The following OR51B5 variants were observed in gnomAD, a reference collection of about 807,000 sequenced individuals.
OR51B5 encodes olfactory receptor 51B5.
For synonymous variants in OR51B5, 186 were observed against 144.8 expected (o/e 1.28, Z -2.04); for missense variants, 456 against 374.6 (o/e 1.22, Z -1.79).
intron 1 of OR51B5, chr11:5,423,161 G>A (rs747729349): frequency 2.7e-5 from 43 of 1,575,560 alleles, no homozygotes; most frequent in Non-Finnish European, 3.4e-5. Flanking sequence ...ATGAGGGAAT[G>A]CATTTCTTAA....
intron 1 of OR51B5, among the ~76,000 whole-genome samples, chr11:5,364,384 G>GACACATCA (rs1849334782): frequency 2.0e-5 from 3 of 152,112 alleles, no homozygotes; most frequent in Non-Finnish European, 4.4e-5. Context: ...AGGCTATGAT[G>GACACATCA]CAGTTTAGGA....
intron 1 of OR51B5, among the ~76,000 whole-genome samples, chr11:5,374,488 C>G (rs1849493138): frequency 6.6e-6 from 1 of 152,148 alleles, no homozygotes; most frequent in South Asian, 2.1e-4. Context: ...TGGAGAATGA[C>G]TTTGACGAGC....
chr11:5,489,396 T>C (rs444878), intron 1 of OR51B5: 1,562,117 of 1,614,048 alleles, frequency 0.97, 756,243 homozygotes, highest in South Asian at 0.99. Flanking sequence ...CAGTCTTTCA[T>C]CTTCCATCTC....
At chr11:5,441,582 G>C in intron 1 of OR51B5, 1 of 1,194,406 alleles carries the variant, frequency 8.4e-7, no homozygotes, top group East Asian at 2.4e-5. Context: ...CTTTCTTTCA[G>C]ATATCCTGTC....
chr11:5,402,961 T>A (rs1220449200), intron 1 of OR51B5: 3 of 471,378 alleles, frequency 6.4e-6, no homozygotes, highest in Non-Finnish European at 1.3e-5. Flanking sequence ...GCTGGCCATG[T>A]CTTTGGACCG....
chr11:5,410,729 C>T (rs151230989), intron 1 of OR51B5, among the ~76,000 whole-genome samples: 5 of 152,236 alleles, frequency 3.3e-5, no homozygotes, highest in Non-Finnish European at 1.5e-5. Context: ...AAAAGATCCT[C>T]CAGTGGAACA....
At chr11:5,443,598 T>TA (rs1246923221) in intron 1 of OR51B5, among the ~76,000 whole-genome samples, 3 of 152,010 alleles carry the variant, frequency 2.0e-5, no homozygotes, top group Non-Finnish European at 4.4e-5. Flanking sequence ...ATCCACAAGA[T>TA]AGGTTTACCC....
At chr11:5,488,465 G>C (rs1445059833) in intron 1 of OR51B5, among the ~76,000 whole-genome samples, 1 of 152,092 alleles carries the variant, frequency 6.6e-6, no homozygotes, top group Non-Finnish European at 1.5e-5. Context: ...TACTTAGCTT[G>C]GTGCTTTGGA....
chr11:5,397,797 A>C (rs985448294), intron 1 of OR51B5, among the ~76,000 whole-genome samples: 11 of 151,210 alleles, frequency 7.3e-5, no homozygotes, highest in Admixed American at 5.3e-4. Context: ...ACTTGGAACC[A>C]ACCCAAATGT....
chr11:5,489,162 A>G (rs1467455293), intron 1 of OR51B5: 1 of 1,613,862 alleles, frequency 6.2e-7, no homozygotes. Flanking sequence ...TTGTTGGGCT[A>G]TTCCGTAGTG....
At chr11:5,406,103 C>T (rs1850054515) in intron 1 of OR51B5, among the ~76,000 whole-genome samples, 1 of 152,156 alleles carries the variant, frequency 6.6e-6, no homozygotes, top group Non-Finnish European at 1.5e-5. Context: ...AATGGCTTAA[C>T]ATAAAATGAG....
At chr11:5,379,089 T>G (rs1211040534) in intron 1 of OR51B5, among the ~76,000 whole-genome samples, 2 of 151,322 alleles carry the variant, frequency 1.3e-5, no homozygotes, top group African/African-American at 4.9e-5. Context: ...TAGACTGGAT[T>G]AAGAAAATGT....
At chr11:5,377,810 G>A (rs1031486447) in intron 1 of OR51B5, among the ~76,000 whole-genome samples, 1 of 152,092 alleles carries the variant, frequency 6.6e-6, no homozygotes, top group African/African-American at 2.4e-5. Flanking sequence ...TGAAATAAAA[G>A]AAGATACAAA....
At chr11:5,463,893 AC>A in intron 1 of OR51B5, among the ~76,000 whole-genome samples, 1 of 152,216 alleles carries the variant, frequency 6.6e-6, no homozygotes, top group Non-Finnish European at 1.5e-5. Flanking sequence ...ACAAAGCCTC[AC>A]CATGATTTGA....
chr11:5,403,630 C>T (rs556330709), intron 1 of OR51B5: 13 of 400,730 alleles, frequency 3.2e-5, no homozygotes, highest in Non-Finnish European at 5.7e-5. Flanking sequence ...GCATGTTATG[C>T]GATTGATATC....
intron 1 of OR51B5, among the ~76,000 whole-genome samples, chr11:5,476,393 A>T (rs1346070503): frequency 1.3e-5 from 2 of 152,232 alleles, no homozygotes; most frequent in East Asian, 3.8e-4. Flanking sequence ...CTTAGCTGTT[A>T]TGCTGTATGG....
Position 5,501,365 on chromosome 11 carries a change from G to A in OR51B5, n.84+4204C>T, listed in dbSNP as rs893382969. Among the ~76,000 whole-genome samples, 20 of 148,150 alleles carry A rather than the reference G, an allele frequency of 1.3e-4. 2 individuals carry two copies. Among genetic ancestry groups the A allele is most frequent in the East Asian group, 2.0e-4 (1 of 5,120 alleles). On this transcript the variant is annotated intron_variant and non_coding_transcript_variant, in intron 1 of 4. Coordinates refer to the OR51B5 transcript ENST00000415970. ...TAGATTCGGGCTAAATGTGGCTTAC[G>A]ATAGTCTTAAAAGTTTATTTAAATA... is the stretch of plus-strand genomic sequence containing the variant.
chr11:5,489,113 C>T (rs1851538702), intron 1 of OR51B5: 3 of 1,613,818 alleles, frequency 1.9e-6, no homozygotes, highest in Middle Eastern at 1.6e-4. Flanking sequence ...TTAAGGTACA[C>T]AACCATTCTC....
intron 1 of OR51B5, among the ~76,000 whole-genome samples, chr11:5,471,141 T>C (rs1189107996): frequency 6.6e-6 from 1 of 152,222 alleles, no homozygotes; most frequent in Non-Finnish European, 1.5e-5. Context: ...TGACTTTTCT[T>C]ATCACAGCTT....
Sources: allele counts gnomAD v4.1 joint callset (sites outside exome capture counted in the v4.1 genomes callset), GRCh38; gene constraint gnomAD v4.1.1; transcripts MANE v1.5; gene names NCBI Gene and HGNC (gene_info 2026-07-23, HGNC 2026-07-21).